The following APBB2 variants were observed in gnomAD, a reference collection of about 807,000 sequenced individuals.
APBB2 encodes amyloid beta precursor protein binding family B member 2, also known as Fe65-like 1.
A neutral mutation model predicts 82.5 loss-of-function variants in APBB2; 38 were observed. The observed-to-expected ratio is 0.46, with a 90% CI of 0.36 to 0.60. APBB2 has a LOEUF of 0.60. Among genes scored for constraint, APBB2 ranks in the 20% least tolerant of loss-of-function variants. The probability of loss-of-function intolerance (pLI) is 0.00; values close to 1 mark genes in which losing one functional copy is unlikely to be tolerated. For synonymous variants in APBB2, 341 were observed against 368.2 expected (o/e 0.93, Z 0.85); for missense variants, 772 against 972.3 (o/e 0.79, Z 2.74).
intron 3 of APBB2, among the ~76,000 whole-genome samples, chr4:41,077,511 C>T (rs910756490): frequency 2.0e-5 from 3 of 152,058 alleles, no homozygotes; most frequent in African/African-American, 4.8e-5. Flanking sequence ...AAACAAGTCA[C>T]ATACAAAGTA....
intron 2 of APBB2, among the ~76,000 whole-genome samples, chr4:41,111,172 A>G (rs369275564): frequency 1.3e-5 from 2 of 152,306 alleles, no homozygotes; most frequent in Admixed American, 6.5e-5. Context: ...AATGCAAGAG[A>G]TAAGGAGCAG....
intron 8 of APBB2, 28 bp from the exon 9 acceptor site, chr4:40,934,727 T>G (rs1178673855): frequency 2.6e-6 from 4 of 1,510,040 alleles, no homozygotes; most frequent in Non-Finnish European, 3.7e-6. Flanking sequence ...CTTGTTAATG[T>G]ACAATGGGGG....
chr4:41,110,521 T>C (rs1240858033), intron 2 of APBB2, among the ~76,000 whole-genome samples: 4 of 151,034 alleles, frequency 2.6e-5, no homozygotes, highest in African/African-American at 9.8e-5. Context: ...GAGAATCACT[T>C]GAGCCCGGGA....
chr4:41,066,556 G>A (rs1043516883), intron 3 of APBB2, among the ~76,000 whole-genome samples: 7 of 152,168 alleles, frequency 4.6e-5, no homozygotes, highest in African/African-American at 7.2e-5. Context: ...TCAAGCATGG[G>A]CGTCTAGTCC....
intron 3 of APBB2, among the ~76,000 whole-genome samples, chr4:41,095,361 A>C (rs1329898680): frequency 2.0e-5 from 3 of 152,094 alleles, no homozygotes; most frequent in Non-Finnish European, 4.4e-5. Flanking sequence ...TCATTTCTCC[A>C]TCTCTCATAT....
At chr4:41,116,256 T>C (rs1055944517) in intron 2 of APBB2, among the ~76,000 whole-genome samples, 3 of 151,324 alleles carry the variant, frequency 2.0e-5, no homozygotes, top group Non-Finnish European at 4.4e-5. Context: ...TGGGTGGGAG[T>C]TGAACAATGG....
intron 3 of APBB2, among the ~76,000 whole-genome samples, chr4:41,083,972 T>C (rs1248991910): frequency 6.6e-6 from 1 of 152,128 alleles, no homozygotes; most frequent in Non-Finnish European, 1.5e-5. Context: ...ATATATCAAA[T>C]TTTAAAGATA....
intron 13 of APBB2, among the ~76,000 whole-genome samples, chr4:40,827,433 C>T (rs1750326451): frequency 6.6e-6 from 1 of 152,108 alleles, no homozygotes. Flanking sequence ...AACTATTCCT[C>T]AGAGTAGCAG....
At chr4:40,848,795 T>C (rs573075326) in intron 12 of APBB2, 10 of 946,690 alleles carry the variant, frequency 1.1e-5, no homozygotes, top group Non-Finnish European at 1.3e-5. Flanking sequence ...TGCCTGGGCT[T>C]GCTGATCGGC....
At position 40,813,082 on chromosome 4, in the gene APBB2, A is replaced by G. The variant is rs1331127168; in HGVS notation, c.*3010T>C. 2 of 152,222 alleles carry G rather than the reference A, an allele frequency of 1.3e-5. No individual in the cohort carries two copies. Among genetic ancestry groups the G allele is most frequent in the South Asian group, 2.1e-4 (1 of 4,832 alleles). 9.4% of individuals were successfully genotyped at this position (152,222 alleles called of 1,614,324 possible). A position where few individuals can be genotyped will look rare whatever the true frequency, so the allele number is the denominator to read the frequency against. ...TGTATGAGGTGGCAAGTCTGTGTCT[A>G]TCTAGCTGCTTTTAAAAAATAAAAG... is the stretch of plus-strand genomic sequence containing the variant. On this transcript the variant is annotated 3_prime_UTR_variant, in exon 18 of 18. Transcript: ENST00000508593.
intron 4 of APBB2, among the ~76,000 whole-genome samples, chr4:41,036,025 G>A (rs1215938114): frequency 6.6e-6 from 1 of 152,064 alleles, no homozygotes; most frequent in African/African-American, 2.4e-5. Flanking sequence ...TGGGTGGGGT[G>A]GCACACACTT....
At chr4:40,919,630 G>A (rs1391323785) in intron 10 of APBB2, among the ~76,000 whole-genome samples, 1 of 152,202 alleles carries the variant, frequency 6.6e-6, no homozygotes, top group African/African-American at 2.4e-5. Flanking sequence ...ATTGCCTCTA[G>A]GTGACTCTGT....
rs1294271144 is a variant in APBB2, at chr4:40,815,825, G to GTAA, written c.*264_*266dup. On this transcript the variant is annotated 3_prime_UTR_variant, in exon 18 of 18. Transcript: ENST00000508593. The stretch of plus-strand genomic sequence containing the variant: ...CTTCTCTGTGTGTGTGTGAAGTTAA[G>GTAA]TAATGTTCACAATATTTACAATAAG... 3 of 390,816 alleles carry GTAA rather than the reference G, an allele frequency of 7.7e-6. No homozygotes were observed. The highest frequency in any genetic ancestry group is 1.4e-5 in the Non-Finnish European group (3 of 213,140). The allele number at this position is 390,816 out of a possible 1,614,324, so 24.2% of individuals were successfully genotyped here. A position where few individuals can be genotyped will look rare whatever the true frequency, so the allele number is the denominator to read the frequency against.
intron 1 of APBB2, among the ~76,000 whole-genome samples, chr4:41,143,689 T>C (rs551951293): frequency 9.9e-5 from 15 of 152,284 alleles, no homozygotes; most frequent in African/African-American, 3.6e-4. Context: ...TCTAATGCGG[T>C]TCAGGATTTA....
Position 41,208,015 on chromosome 4 carries a change from A to T in APBB2, c.-417+6390T>A, listed in dbSNP as rs573493527. 3.9e-5 allele frequency: 6 copies of T among 152,354 alleles called. No individual in the cohort carries two copies. The East Asian group carries it at 9.6e-4, about 24-fold the overall frequency. The allele number at this position is 152,354 out of a possible 1,614,324, so 9.4% of individuals were successfully genotyped here. A position where few individuals can be genotyped will look rare whatever the true frequency, so the allele number is the denominator to read the frequency against. ...TGTGATAAGAACAGTGAAAACCACT[A>T]ACCAACAATAAATGACCTGTGGGGC... On this transcript the variant is annotated intron_variant, in intron 1 of 17. Coordinates refer to ENST00000508593, the MANE Select transcript of APBB2 (RefSeq NM_004307.2).
rs1754606814 is a variant in APBB2, at chr4:41,127,056, G to A, written c.-261+15931C>T. On this transcript the variant is annotated intron_variant, in intron 2 of 17. Transcript: ENST00000508593. The surrounding 1 kb of genome is among the most constrained non-coding windows in gnomAD (Gnocchi z 4.8). Reference sequence around the variant, plus strand: ...CCATTTATTCTTACCAGTGCCATGAGGCTAGACTCAATAAACTCACAATTC... The same window carrying A: ...CCATTTATTCTTACCAGTGCCATGAAGCTAGACTCAATAAACTCACAATTC... Among the ~76,000 whole-genome samples, 1 of 152,058 alleles carries A rather than the reference G, an allele frequency of 6.6e-6. No individual in the cohort carries two copies. Among genetic ancestry groups the A allele is most frequent in the South Asian group, 2.1e-4 (1 of 4,814 alleles).
At chr4:41,017,825 G>A (rs1210928186) in intron 5 of APBB2, among the ~76,000 whole-genome samples, 1 of 152,128 alleles carries the variant, frequency 6.6e-6, no homozygotes, top group African/African-American at 2.4e-5. Context: ...GGGTCTATGA[G>A]GATTTAATTA....
intron 10 of APBB2, among the ~76,000 whole-genome samples, chr4:40,924,877 G>A (rs1782212454): frequency 6.6e-6 from 1 of 152,248 alleles, no homozygotes; most frequent in Non-Finnish European, 1.5e-5. Flanking sequence ...GGCAAATACA[G>A]ATGGACCTCA....
intron 10 of APBB2, among the ~76,000 whole-genome samples, chr4:40,913,665 T>C (rs1305903577): frequency 1.3e-5 from 2 of 152,164 alleles, no homozygotes; most frequent in Non-Finnish European, 1.5e-5. Flanking sequence ...CTAGCTGAGG[T>C]TGAGCTAAGT....
Sources: gnomAD v4.1 joint callset for allele counts (sites outside exome capture counted in the v4.1 genomes callset) on GRCh38, gnomAD v4.1.1 for gene constraint, Gnocchi (gnomAD v3.1) non-coding constraint, MANE v1.5 for transcripts, NCBI Gene and HGNC (gene_info 2026-07-23, HGNC 2026-07-21) for gene names.